Variants in SLC45A3 observed in about 807,000 individuals in gnomAD.
SLC45A3 encodes solute carrier family 45 member 3.
In SLC45A3, 17 loss-of-function variants were observed where a neutral mutation model predicts 35.3. The observed-to-expected ratio is 0.48, with a 90% CI of 0.33 to 0.72. SLC45A3 has a LOEUF of 0.72. SLC45A3 is among the 30% of genes least tolerant of loss of function. The pLI is 0.02. For missense variants in SLC45A3, 597 were observed against 731.7 expected (o/e 0.82, Z 2.12); for synonymous variants, 288 against 334.3 (o/e 0.86, Z 1.51).
intron 4 of SLC45A3, among the ~76,000 whole-genome samples, chr1:205,660,979 C>T (rs1224026503): frequency 4.6e-5 from 7 of 152,236 alleles, no homozygotes; most frequent in Admixed American, 6.5e-5. Context: ...TCAAGTGCTA[C>T]GAGACGCAGG....
intron 1 of SLC45A3, among the ~76,000 whole-genome samples, chr1:205,675,690 C>T (rs1239197797): frequency 6.6e-6 from 1 of 152,144 alleles, no homozygotes; most frequent in Non-Finnish European, 1.5e-5. Context: ...TAAGGGAATT[C>T]ATCAGCACTA....
chr1:205,658,901 T>C lies in SLC45A3; in HGVS notation c.*333A>G, dbSNP rs1193657367. On this transcript the variant is annotated 3_prime_UTR_variant, in exon 5 of 5. Coordinates refer to ENST00000367145, the MANE Select transcript of SLC45A3 (RefSeq NM_033102.3). ...TCTAGGTGTGTCTCAACTAGGAGGCTAGCTGTTAACCCTGAGCCTGGGTAA... is the reference window on the plus strand; with the variant it reads ...TCTAGGTGTGTCTCAACTAGGAGGCCAGCTGTTAACCCTGAGCCTGGGTAA... The C allele has an allele frequency of 3.1e-6, 1 of 319,710 alleles. No homozygotes were observed. Among genetic ancestry groups the C allele is most frequent in the Non-Finnish European group, 5.8e-6 (1 of 172,732 alleles). 19.8% of individuals were successfully genotyped at this position (319,710 alleles called of 1,614,324 possible). A position where few individuals can be genotyped will look rare whatever the true frequency, so the allele number is the denominator to read the frequency against.
At chr1:205,661,096 G>A (rs1671014651) in intron 4 of SLC45A3, among the ~76,000 whole-genome samples, 1 of 152,196 alleles carries the variant, frequency 6.6e-6, no homozygotes, top group Non-Finnish European at 1.5e-5. Context: ...CCAGCACCCA[G>A]GTTTGTAGCT....
Position 205,659,300 on chromosome 1 carries a change from C to G in SLC45A3, c.1596G>C (p.Leu532=), listed in dbSNP as rs7540439. Residue 532 remains leucine (L), a synonymous_variant, in exon 5 of 5, where the codon CTG becomes CTC. Transcript: ENST00000367145. The surrounding 1 kb of genome is among the most constrained non-coding windows in gnomAD (Gnocchi z 5.8). ...CCTGTGTAGCAAAGTAAATGGCGAC[C>G]AGACCCAGGCCTGCGGCAGACACCA... ...AYMVSAAGLG[L]VAIYFATQVV... 6.2e-3 allele frequency: 9,997 copies of G among 1,614,154 alleles called. 492 individuals carry two copies. The African/African-American group carries it at 0.11, about 18-fold the overall frequency.
At position 205,663,403 on chromosome 1, in the gene SLC45A3, C is replaced by T; in HGVS notation, c.388G>A (p.Gly130Arg). The T allele has an allele frequency of 6.2e-7, 1 of 1,613,228 alleles. No individual in the cohort carries two copies. The highest frequency in any genetic ancestry group is 8.5e-7 in the Non-Finnish European group (1 of 1,179,926). Residue 130 changes from glycine (G) to arginine (R), a missense_variant, in exon 3 of 5, where the codon GGG (glycine) becomes AGG (arginine). Coordinates refer to ENST00000367145, the MANE Select transcript of SLC45A3 (RefSeq NM_033102.3). The part of the protein sequence containing the change: ...LELALLILGV[G>R]LLDFCGQVCF... ...ACCTGGCCACAGAAGTCCAGCAGCCCCACGCCCAGGATGAGCAGTGCCAGC... is the reference window on the plus strand; with the variant it reads ...ACCTGGCCACAGAAGTCCAGCAGCCTCACGCCCAGGATGAGCAGTGCCAGC...
chr1:205,658,673 T>A lies in SLC45A3; in HGVS notation c.*561A>T, dbSNP rs1670963602. On this transcript the variant is annotated 3_prime_UTR_variant, in exon 5 of 5. Transcript: ENST00000367145. ...GGGTGGATCAGCAAAAAGACAGTGC[T>A]GTGGGCTGAGGGGACCTGGTTCTTG... 4.3e-6 allele frequency: 1 copy of A among 234,664 alleles called. No homozygotes were observed. The highest frequency in any genetic ancestry group is 8.4e-6 in the Non-Finnish European group (1 of 118,824). The allele number at this position is 234,664 out of a possible 1,614,324, so 14.5% of individuals were successfully genotyped here.
chr1:205,675,304 C>T (rs188898865), intron 1 of SLC45A3, among the ~76,000 whole-genome samples: 1 of 152,292 alleles, frequency 6.6e-6, no homozygotes, highest in African/African-American at 2.4e-5. Flanking sequence ...TATTTTTAGG[C>T]TGTATGGCTG....
rs1166047407 is a variant in SLC45A3, at chr1:205,659,495, A to G, written c.1401T>C (p.Asp467=). ...PPALCGASAC[D]VSVRVVVGEP... is the part of the protein sequence containing the mutation. ...CACCCACCACCACACGTACGGAGACATCACAGGCAGAGGCCCCGCAGAGCG... is the reference window on the plus strand; with the variant it reads ...CACCCACCACCACACGTACGGAGACGTCACAGGCAGAGGCCCCGCAGAGCG... Residue 467 remains aspartate, a synonymous_variant, in exon 5 of 5, where the codon GAT becomes GAC. Transcript: ENST00000367145. The surrounding 1 kb of genome is among the most constrained non-coding windows in gnomAD (Gnocchi z 5.8). 1 of 1,613,778 alleles carries G rather than the reference A, an allele frequency of 6.2e-7. No homozygotes were observed. Among genetic ancestry groups the G allele is most frequent in the Non-Finnish European group, 8.5e-7 (1 of 1,179,800 alleles).
In SLC45A3 at chr1:205,659,511, C is replaced by A; in HGVS notation, c.1385G>T (p.Gly462Val). 1 of 1,612,350 alleles carries A rather than the reference C, an allele frequency of 6.2e-7. No individual in the cohort carries two copies. Among genetic ancestry groups the A allele is most frequent in the Non-Finnish European group, 8.5e-7 (1 of 1,178,932 alleles). Residue 462 changes from glycine (G) to valine (V), a missense_variant, in exon 5 of 5, where the codon GGG (glycine) becomes GTG (valine). Coordinates refer to ENST00000367145, the MANE Select transcript of SLC45A3 (RefSeq NM_033102.3). The surrounding 1 kb of genome is among the most constrained non-coding windows in gnomAD (Gnocchi z 5.8). ...GLLPPPPALCGASACDVSVRV... is the reference protein window; with the variant it reads ...GLLPPPPALCVASACDVSVRV... ...TACGGAGACATCACAGGCAGAGGCC[C>A]CGCAGAGCGCGGGTGGAGGTGGGAG...
intron 1 of SLC45A3, among the ~76,000 whole-genome samples, chr1:205,673,538 G>A (rs937441927): frequency 6.6e-6 from 1 of 152,180 alleles, no homozygotes; most frequent in Non-Finnish European, 1.5e-5. Context: ...AGGTATACAG[G>A]AAAGAGGCCA....
intron 1 of SLC45A3, among the ~76,000 whole-genome samples, chr1:205,678,523 G>A (rs1671348110): frequency 6.6e-6 from 1 of 152,158 alleles, no homozygotes; most frequent in Admixed American, 6.6e-5. Flanking sequence ...CAGTGGCCTG[G>A]AATGGGCTCA....
chr1:205,676,239 C>T (rs928478594), intron 1 of SLC45A3, among the ~76,000 whole-genome samples: 4 of 152,104 alleles, frequency 2.6e-5, no homozygotes, highest in Non-Finnish European at 5.9e-5. Context: ...TTAGCGAGGC[C>T]GGGGGCAGGG....
In SLC45A3 at chr1:205,662,576, T is replaced by C; in HGVS notation, c.958+257A>G. The C allele has an allele frequency of 3.0e-6, 4 of 1,326,476 alleles. No individual in the cohort carries two copies. Among genetic ancestry groups the C allele is most frequent in the Non-Finnish European group, 3.8e-6 (4 of 1,042,270 alleles). 82.2% of individuals were successfully genotyped at this position (1,326,476 alleles called of 1,614,324 possible). On this transcript the variant is annotated intron_variant, in intron 3 of 4. Coordinates refer to ENST00000367145, the MANE Select transcript of SLC45A3 (RefSeq NM_033102.3). This position sits in a 1 kb window ranked among gnomAD's most constrained non-coding sequence, Gnocchi z 6.2. Reference sequence around the variant, plus strand: ...TCCTCCACTCCCTCTAGACTTTGAATAAGCTCCGCCTTTCCTTCTGTCAAA... The same window carrying C: ...TCCTCCACTCCCTCTAGACTTTGAACAAGCTCCGCCTTTCCTTCTGTCAAA...
chr1:205,677,652 GTCTAGAGCAGATT>G (rs1671333660), intron 1 of SLC45A3, among the ~76,000 whole-genome samples: 1 of 152,148 alleles, frequency 6.6e-6, no homozygotes, highest in African/African-American at 2.4e-5. Context: ...AAGAAATAAG[GTCTAGAGCAGATT>G]TTTGTTTTCT....
chr1:205,658,623 C>T lies in SLC45A3; in HGVS notation c.*611G>A, dbSNP rs1200345363. ...GATGGCAACAGAAGGACCAACAGGC[C>T]ACATCCTGATAAAAGGTAAGAGGGG... On this transcript the variant is annotated 3_prime_UTR_variant, in exon 5 of 5. Transcript: ENST00000367145. The T allele has an allele frequency of 8.6e-6, 2 of 233,376 alleles. No individual in the cohort carries two copies. The highest frequency in any genetic ancestry group is 1.7e-5 in the Non-Finnish European group (2 of 117,956). The allele number at this position is 233,376 out of a possible 1,614,324, so 14.5% of individuals were successfully genotyped here. A position where few individuals can be genotyped will look rare whatever the true frequency, so the allele number is the denominator to read the frequency against.
In SLC45A3 at chr1:205,664,870, G is replaced by C; in HGVS notation, c.-214C>G. ...CTGTGGGGCACCTCAGTGGGGACAC[G>C]TCTCATCACTCAGATCCTAGAAGGG... On this transcript the variant is annotated 5_prime_UTR_variant, in exon 2 of 5. Coordinates refer to ENST00000367145, the MANE Select transcript of SLC45A3 (RefSeq NM_033102.3). This position sits in a 1 kb window ranked among gnomAD's most constrained non-coding sequence, Gnocchi z 5.3. 7.1e-7 allele frequency: 1 copy of C among 1,402,800 alleles called. No homozygotes were observed. The highest frequency in any genetic ancestry group is 1.6e-5 in the South Asian group (1 of 60,770). 86.9% of individuals were successfully genotyped at this position (1,402,800 alleles called of 1,614,324 possible).
In SLC45A3 at chr1:205,664,441, G is replaced by A; in HGVS notation, c.172+44C>T. 6.2e-7 allele frequency: 1 copy of A among 1,604,786 alleles called. No homozygotes were observed. The highest frequency in any genetic ancestry group is 8.5e-7 in the Non-Finnish European group (1 of 1,173,366). On this transcript the variant is annotated intron_variant, in intron 2 of 4. Coordinates refer to ENST00000367145, the MANE Select transcript of SLC45A3 (RefSeq NM_033102.3). The surrounding 1 kb of genome is among the most constrained non-coding windows in gnomAD (Gnocchi z 5.3). Reference sequence around the variant, plus strand: ...GGTACTCCTGTCCCACATGCCAGGTGGCATGTATCTGGAACAGGAAGGAAG... The same window carrying A: ...GGTACTCCTGTCCCACATGCCAGGTAGCATGTATCTGGAACAGGAAGGAAG...
Position 205,658,641 on chromosome 1 carries a change from AAG to A in SLC45A3, c.*591_*592del, listed in dbSNP as rs58897617. ...AACAGGCCACATCCTGATAAAAGGT[AAG>A]AGGGGGGTGGATCAGCAAAAAGACA... On this transcript the variant is annotated 3_prime_UTR_variant, in exon 5 of 5. Transcript: ENST00000367145. 3.3e-3 allele frequency: 764 copies of A among 233,532 alleles called. 7 individuals carry two copies. Among genetic ancestry groups the A allele is most frequent in the African/African-American group, 0.015 (694 of 45,450 alleles). The allele number at this position is 233,532 out of a possible 1,614,324, so 14.5% of individuals were successfully genotyped here.
chr1:205,664,379 C>T lies in SLC45A3; in HGVS notation c.172+106G>A. On this transcript the variant is annotated intron_variant, in intron 2 of 4. Coordinates refer to ENST00000367145, the MANE Select transcript of SLC45A3 (RefSeq NM_033102.3). The surrounding 1 kb of genome is among the most constrained non-coding windows in gnomAD (Gnocchi z 5.3). ...CTCCTGCCCAGCAATGCCTTCCCAG[C>T]AGACCACCTCTCCCTCCAAGCAGCT... The T allele has an allele frequency of 1.4e-6, 2 of 1,461,248 alleles. No homozygotes were observed. The highest frequency in any genetic ancestry group is 2.3e-5 in the East Asian group (1 of 43,830). The allele number at this position is 1,461,248 out of a possible 1,614,324, so 90.5% of individuals were successfully genotyped here.
Sources: gnomAD v4.1 joint callset for allele counts (sites outside exome capture counted in the v4.1 genomes callset) on GRCh38, gnomAD v4.1.1 for gene constraint, Gnocchi (gnomAD v3.1) non-coding constraint, MANE v1.5 for transcripts, NCBI Gene and HGNC (gene_info 2026-07-23, HGNC 2026-07-21) for gene names.